Variants in RIMS2 observed in about 807,000 individuals in gnomAD.
RIMS2 encodes the protein regulating synaptic membrane exocytosis protein 2.
Under a neutral mutation model 174.4 loss-of-function variants are expected in RIMS2, and 59 were observed. The ratio of observed to expected loss-of-function variants is 0.34; its 90% CI spans 0.27 to 0.42. The LOEUF (loss-of-function observed/expected upper bound fraction) is 0.42, where lower values mean the gene tolerates loss of function less well. RIMS2 is among the 10% of genes least tolerant of loss of function. The pLI is 1.00. For missense variants in RIMS2, 1,620 were observed against 1,666.3 expected (o/e 0.97, Z 0.48); for synonymous variants, 606 against 572.5 (o/e 1.06, Z -0.84).
chr8:103,989,518 T>C, intron 17 of RIMS2, 97 bp downstream of exon 19: 1 of 615,058 alleles, frequency 1.6e-6, no homozygotes. Context: ...TCCTTTTTCT[T>C]AGTTTCTGAA....
At chr8:103,829,116 C>G (rs2098809803) in intron 3 of RIMS2, among the ~76,000 whole-genome samples, 2 of 137,058 alleles carry the variant, frequency 1.5e-5, no homozygotes, top group Admixed American at 7.9e-5. Context: ...TAATTTGGTG[C>G]AAAATACTGT....
At chr8:103,905,316 G>T (rs868583532) in intron 4 of RIMS2, among the ~76,000 whole-genome samples, 2 of 151,972 alleles carry the variant, frequency 1.3e-5, no homozygotes, top group South Asian at 2.1e-4. Context: ...TTTTGCCTGA[G>T]AATGTATTTC....
intron 1 of RIMS2, among the ~76,000 whole-genome samples, chr8:103,660,921 G>A (rs1316196863): frequency 6.6e-6 from 1 of 152,144 alleles, no homozygotes; most frequent in African/African-American, 2.4e-5. Flanking sequence ...AAAATGAAAA[G>A]TGCACAGATT....
Position 103,885,391 on chromosome 8 carries a change from C to T in RIMS2, c.792C>T (p.Thr264=), listed in dbSNP as rs34681663. 1.9e-3 allele frequency: 3,064 copies of T among 1,612,482 alleles called. 43 individuals are homozygous for T. In the African/African-American group the frequency reaches 0.032, roughly 17 times the overall value. ...ATTCACAGTATGCTACTTCGGATACCGCAATGCCTAGATCTCCATCAGATT... is the reference window on the plus strand; with the variant it reads ...ATTCACAGTATGCTACTTCGGATACTGCAATGCCTAGATCTCCATCAGATT... Residue 264 remains threonine (T), a synonymous_variant, in exon 4 of 24, where the codon ACC becomes ACT. Transcript: ENST00000504942.
intron 19 of RIMS2, among the ~76,000 whole-genome samples, chr8:104,222,586 T>C (rs2511576): frequency 0.33 from 50,532 of 152,024 alleles, 8,679 homozygotes; most frequent in African/African-American, 0.42. Context: ...AGTCATCTGA[T>C]TCCTGGGAAA....
chr8:103,985,066 T>C (rs1311847967), intron 16 of RIMS2, among the ~76,000 whole-genome samples: 1 of 152,178 alleles, frequency 6.6e-6, no homozygotes, highest in Admixed American at 6.6e-5. Context: ...GAAGGGGATG[T>C]GGCAATGGTT....
chr8:103,711,541 T>C (rs1262525610), intron 2 of RIMS2, among the ~76,000 whole-genome samples: 1 of 152,166 alleles, frequency 6.6e-6, no homozygotes, highest in East Asian at 1.9e-4. Flanking sequence ...ATGGGTTCTA[T>C]AGTAGACATT....
intron 1 of RIMS2, among the ~76,000 whole-genome samples, chr8:103,536,191 A>G (rs552502368): frequency 6.6e-6 from 1 of 152,290 alleles, no homozygotes; most frequent in African/African-American, 2.4e-5. Context: ...CTTTGGTTGT[A>G]GTAAGTTCTA....
At chr8:104,247,048 A>C (rs1435742906) in intron 20 of RIMS2, among the ~76,000 whole-genome samples, 1 of 152,124 alleles carries the variant, frequency 6.6e-6, no homozygotes, top group Non-Finnish European at 1.5e-5. Flanking sequence ...GAGCATTCAC[A>C]AGGCTGCTAC....
At chr8:104,223,661 C>T in intron 19 of RIMS2, 2 of 1,589,202 alleles carry the variant, frequency 1.3e-6, no homozygotes, top group African/African-American at 1.3e-5. Flanking sequence ...GATGGGCCGG[C>T]AGGGCTTGGG....
At chr8:104,232,813 G>T (rs1430116919) in intron 19 of RIMS2, among the ~76,000 whole-genome samples, 1 of 152,154 alleles carries the variant, frequency 6.6e-6, no homozygotes, top group Non-Finnish European at 1.5e-5. Context: ...TACCCTAATT[G>T]CAAAGCAGGC....
intron 19 of RIMS2, among the ~76,000 whole-genome samples, chr8:104,098,693 G>A (rs1312878924): frequency 1.3e-5 from 2 of 151,958 alleles, no homozygotes; most frequent in African/African-American, 4.8e-5. Context: ...AAGAGACTTA[G>A]CCATTTCAAT....
intron 16 of RIMS2, among the ~76,000 whole-genome samples, chr8:103,979,278 C>A (rs187946162): frequency 1.2e-4 from 19 of 152,164 alleles, no homozygotes; most frequent in Admixed American, 9.8e-4. Context: ...TAGGATATTA[C>A]CTCACAACTG....
At chr8:104,174,498 A>G (rs1469656358) in intron 19 of RIMS2, among the ~76,000 whole-genome samples, 2 of 152,194 alleles carry the variant, frequency 1.3e-5, no homozygotes, top group Non-Finnish European at 2.9e-5. Context: ...AAGAAAATGC[A>G]TTATTTCTTA....
At chr8:104,041,330 A>G (rs1481177645) in intron 19 of RIMS2, 1 of 698,704 alleles carries the variant, frequency 1.4e-6, no homozygotes, top group South Asian at 1.5e-5. Flanking sequence ...TCACAGAAGA[A>G]CTGGACTCTA....
chr8:103,666,943 A>G (rs927909051), intron 1 of RIMS2, among the ~76,000 whole-genome samples: 5 of 152,144 alleles, frequency 3.3e-5, no homozygotes, highest in Admixed American at 2.0e-4. Flanking sequence ...AGTTGAAGAG[A>G]AACCATTTGA....
At chr8:103,716,655 T>G (rs1003280460) in intron 2 of RIMS2, among the ~76,000 whole-genome samples, 2 of 152,120 alleles carry the variant, frequency 1.3e-5, no homozygotes, top group African/African-American at 4.8e-5. Flanking sequence ...TATGCTAAAC[T>G]CATCATTGCA....
chr8:103,658,358 C>T (rs1262979177), intron 1 of RIMS2, among the ~76,000 whole-genome samples: 1 of 152,122 alleles, frequency 6.6e-6, no homozygotes, highest in Non-Finnish European at 1.5e-5. Flanking sequence ...TACACATATT[C>T]TGAGAAGCCT....
intron 3 of RIMS2, among the ~76,000 whole-genome samples, chr8:103,766,998 C>T (rs920729730): frequency 6.6e-6 from 1 of 152,050 alleles, no homozygotes; most frequent in African/African-American, 2.4e-5. Flanking sequence ...TATGCAGATC[C>T]GACATCAGGT....
Sources: gnomAD v4.1 joint callset for allele counts (sites outside exome capture counted in the v4.1 genomes callset) on GRCh38, gnomAD v4.1.1 for gene constraint, MANE v1.5 for transcripts, NCBI Gene and HGNC (gene_info 2026-07-23, HGNC 2026-07-21) for gene names.